FRMD4A: variants seen among roughly 807,000 people sequenced by gnomAD.
The protein encoded by FRMD4A is FERM domain containing 4A.
In FRMD4A, 29 loss-of-function variants were observed where a neutral mutation model predicts 129.1. The ratio of observed to expected loss-of-function variants is 0.22; its 90% CI spans 0.17 to 0.31. FRMD4A has a LOEUF of 0.31. Among genes scored for constraint, FRMD4A ranks in the 10% least tolerant of loss-of-function variants. The pLI, the probability that FRMD4A is intolerant of heterozygous loss-of-function variation, is 1.00. For synonymous variants in FRMD4A, 634 were observed against 571.6 expected (o/e 1.11, Z -1.56); for missense variants, 1,272 against 1,375.8 (o/e 0.92, Z 1.19).
intron 2 of FRMD4A, among the ~76,000 whole-genome samples, chr10:14,101,744 CACA>C (rs1361462695): frequency 6.7e-6 from 1 of 148,274 alleles, no homozygotes; most frequent in African/African-American, 2.6e-5. Flanking sequence ...CACAACACAA[CACA>C]ACACAACACA....
intron 2 of FRMD4A, among the ~76,000 whole-genome samples, chr10:14,314,961 A>C (rs1341751088): frequency 4.6e-5 from 7 of 150,866 alleles, no homozygotes; most frequent in Non-Finnish European, 8.9e-5. Flanking sequence ...TTTTTTTTTA[A>C]TTTTTACTTT....
intron 2 of FRMD4A, among the ~76,000 whole-genome samples, chr10:14,120,011 T>C (rs924079968): frequency 1.0e-3 from 159 of 151,822 alleles, no homozygotes; most frequent in Admixed American, 2.5e-3. Context: ...TTTTTTTTTT[T>C]TTTCCTGGGC....
chr10:13,681,242 T>TCC (rs2084553123), intron 15 of FRMD4A, among the ~76,000 whole-genome samples: 2 of 152,150 alleles, frequency 1.3e-5, no homozygotes, highest in African/African-American at 4.8e-5. Context: ...CTACAGCCTC[T>TCC]CCCGGGCTGG....
chr10:14,247,905 G>A lies in FRMD4A; in HGVS notation c.45+82153C>T, dbSNP rs533227338. On this transcript the variant is annotated intron_variant, in intron 2 of 24. Transcript: ENST00000357447. ...CTCTGTTGGACCTTCACACGAAACA[G>A]CATTTTCGTAAGTTAAAAAAAAAAT... 2.9e-4 allele frequency among the ~76,000 whole-genome samples: 44 copies of A among 150,452 alleles called. No homozygotes were observed. The East Asian group carries it at 7.7e-3, about 26-fold the overall frequency.
At chr10:14,062,610 A>G (rs1395884440) in intron 2 of FRMD4A, among the ~76,000 whole-genome samples, 1 of 152,258 alleles carries the variant, frequency 6.6e-6, no homozygotes, top group Non-Finnish European at 1.5e-5. Context: ...GAGACAGTGC[A>G]TCCCTCTAAG....
chr10:14,127,095 T>A (rs1225474171), intron 2 of FRMD4A, among the ~76,000 whole-genome samples: 4 of 152,146 alleles, frequency 2.6e-5, no homozygotes, highest in African/African-American at 9.7e-5. Flanking sequence ...CCAGGTGTGA[T>A]CCAAGAGCTG....
chr10:13,989,031 CT>C (rs11326311), intron 2 of FRMD4A, among the ~76,000 whole-genome samples: 49,026 of 149,152 alleles, frequency 0.33, 8,285 homozygotes, highest in East Asian at 0.62. Flanking sequence ...TTTTCAGTAA[CT>C]TTTTTTTTTT....
intron 2 of FRMD4A, among the ~76,000 whole-genome samples, chr10:14,166,860 T>C (rs1474755752): frequency 1.3e-5 from 2 of 152,238 alleles, no homozygotes; most frequent in Non-Finnish European, 2.9e-5. Flanking sequence ...TCAAACCCCA[T>C]GAGCCCTTAG....
chr10:13,765,101 A>ATTTTTTTTTTTGTTTTTTTTT (rs2092233025), intron 6 of FRMD4A, among the ~76,000 whole-genome samples: 1 of 125,276 alleles, frequency 8.0e-6, no homozygotes, highest in Non-Finnish European at 1.6e-5. Context: ...TCAAGGATTG[A>ATTTTTTTTTTTGTTTTTTTTT]TTTTTTTTTT....
chr10:13,934,360 C>T lies in FRMD4A; in HGVS notation c.46-75448G>A, dbSNP rs2095230863. On this transcript the variant is annotated intron_variant, in intron 2 of 24. Coordinates refer to ENST00000357447, the MANE Select transcript of FRMD4A (RefSeq NM_018027.5). ...AGAGAAAAGTCTGAACTCTTTTCCT[C>T]CACAAATGTCTACGGATCCACTTCA... 2.0e-5 allele frequency among the ~76,000 whole-genome samples: 3 copies of T among 152,212 alleles called. No individual in the cohort carries two copies. The South Asian group carries it at 6.2e-4, about 32-fold the overall frequency.
chr10:13,659,903 A>G (rs2082498198), intron 20 of FRMD4A, among the ~76,000 whole-genome samples: 1 of 152,068 alleles, frequency 6.6e-6, no homozygotes, highest in South Asian at 2.1e-4. Context: ...CCCGGTAATG[A>G]GCTGATAATA....
chr10:13,860,931 G>A (rs910605257), intron 2 of FRMD4A, among the ~76,000 whole-genome samples: 8 of 152,098 alleles, frequency 5.3e-5, no homozygotes, highest in Non-Finnish European at 1.2e-4. Context: ...GAGCAGTCTC[G>A]TTTCTCTCAT....
At chr10:13,904,829 C>G (rs1293563263) in intron 2 of FRMD4A, among the ~76,000 whole-genome samples, 2 of 151,858 alleles carry the variant, frequency 1.3e-5, no homozygotes, top group Non-Finnish European at 2.9e-5. Flanking sequence ...CCTGTCTCTA[C>G]TAAAAAATAC....
intron 2 of FRMD4A, chr10:14,327,043 C>T: frequency 2.5e-6 from 1 of 398,410 alleles, no homozygotes; most frequent in Non-Finnish European, 4.4e-6. Flanking sequence ...CAGTGAGGTC[C>T]TCCCACCTCA....
chr10:14,151,618 G>A (rs1840342979), intron 2 of FRMD4A, among the ~76,000 whole-genome samples: 1 of 152,064 alleles, frequency 6.6e-6, no homozygotes, highest in Admixed American at 6.5e-5. Flanking sequence ...CATGTGATAA[G>A]CAAGGACATG....
At chr10:13,689,142 T>G (rs2085390915) in intron 15 of FRMD4A, among the ~76,000 whole-genome samples, 1 of 145,098 alleles carries the variant, frequency 6.9e-6, no homozygotes, top group African/African-American at 2.5e-5. Flanking sequence ...TTACTAATAG[T>G]TTAGAAACAT....
In FRMD4A at chr10:14,204,564, G is replaced by A. The variant is rs867705591; in HGVS notation, c.45+125494C>T. ...ATAGTCACGGTTCATTCCTTTTCTC[G>A]CAACTACAAAATGAATAGATCCAGA... On this transcript the variant is annotated intron_variant, in intron 2 of 24. Transcript: ENST00000357447. Among the ~76,000 whole-genome samples, 8 of 151,856 alleles carry A rather than the reference G, an allele frequency of 5.3e-5. 1 individual carries two copies. The highest frequency in any genetic ancestry group is 1.2e-4 in the African/African-American group (5 of 41,288).
At chr10:14,072,391 T>G (rs1440355290) in intron 2 of FRMD4A, among the ~76,000 whole-genome samples, 1 of 152,064 alleles carries the variant, frequency 6.6e-6, no homozygotes, top group Non-Finnish European at 1.5e-5. Flanking sequence ...GGGAACAGAG[T>G]TGGATTCACA....
chr10:14,276,868 T>G (rs979589823), intron 2 of FRMD4A, among the ~76,000 whole-genome samples: 1 of 152,188 alleles, frequency 6.6e-6, no homozygotes, highest in Non-Finnish European at 1.5e-5. Flanking sequence ...TATTGTTATT[T>G]AAGTATTTAT....
Sources: allele counts gnomAD v4.1 joint callset (sites outside exome capture counted in the v4.1 genomes callset), GRCh38; gene constraint gnomAD v4.1.1; transcripts MANE v1.5; gene names NCBI Gene and HGNC (gene_info 2026-07-23, HGNC 2026-07-21).